Variants in LRRK1 observed in about 807,000 individuals in gnomAD.
LRRK1 encodes the protein leucine-rich repeat serine/threonine-protein kinase 1.
A neutral mutation model predicts 209.1 loss-of-function variants in LRRK1; 113 were observed. The observed-to-expected ratio is 0.54, with a 90% CI of 0.46 to 0.63. The LOEUF is 0.63. LRRK1 is among the 30% of genes least tolerant of loss of function. The pLI is 0.00. For missense variants in LRRK1, 2,284 were observed against 2,632.2 expected, an observed-to-expected ratio of 0.87 and a Z score of 2.89; for synonymous variants, 1,144 against 1,099.7, an observed-to-expected ratio of 1.04 and a Z score of -0.80.
intron 20 of LRRK1, among the ~76,000 whole-genome samples, chr15:101,039,342 C>G (rs2034635407): frequency 6.6e-6 from 1 of 152,102 alleles, no homozygotes; most frequent in Non-Finnish European, 1.5e-5. Context: ...AAATTTGTGT[C>G]TACATAATTT....
At chr15:100,924,050 C>G (rs1431094095) in intron 1 of LRRK1, among the ~76,000 whole-genome samples, 1 of 152,242 alleles carries the variant, frequency 6.6e-6, no homozygotes, top group Admixed American at 6.5e-5. Context: ...GTGCTCACCT[C>G]TGGCTTCCAG....
Position 101,054,229 on chromosome 15 carries a change from C to T in LRRK1, c.4055-717C>T, listed in dbSNP as rs562966375. ...GCTCAGTCGATCCCCCCACTTTAGC[C>T]TCCCAAAGTGCTGGAATCACCGGCA... On this transcript the variant is annotated intron_variant, in intron 26 of 33. Transcript: ENST00000388948. Among the ~76,000 whole-genome samples, 38 of 152,324 alleles carry T rather than the reference C, an allele frequency of 2.5e-4. No homozygotes were observed. The South Asian group carries it at 4.8e-3, about 19-fold the overall frequency.
intron 2 of LRRK1, among the ~76,000 whole-genome samples, chr15:100,972,936 A>ACACACACC (rs774930546): frequency 9.9e-5 from 15 of 151,252 alleles, no homozygotes; most frequent in East Asian, 7.8e-4. Context: ...ACACACACAC[A>ACACACACC]CCCAGTTTTG....
At chr15:101,051,451 C>A (rs76054095) in intron 23 of LRRK1, among the ~76,000 whole-genome samples, 14,789 of 152,248 alleles carry the variant, frequency 0.097, 1,301 homozygotes, top group East Asian at 0.45. Context: ...CCCCAGCCAG[C>A]CTGCTCAGTG....
Position 101,070,088 on chromosome 15 carries a change from A to G in LRRK1, c.*1240A>G, listed in dbSNP as rs1442800087. On this transcript the variant is annotated 3_prime_UTR_variant, in exon 34 of 34. Coordinates refer to ENST00000388948, the MANE Select transcript of LRRK1 (RefSeq NM_024652.6). ...GAGATGAGACTCTTTTAATCTCAAA[A>G]TAAACAGATTCTTTCAAGAACGAAG... is the stretch of plus-strand genomic sequence containing the variant. 3 of 152,332 alleles carry G rather than the reference A, an allele frequency of 2.0e-5. No individual in the cohort carries two copies. Among genetic ancestry groups the G allele is most frequent in the Admixed American group, 6.5e-5 (1 of 15,304 alleles). The allele number at this position is 152,332 out of a possible 1,614,324, so 9.4% of individuals were successfully genotyped here. A position where few individuals can be genotyped will look rare whatever the true frequency, so the allele number is the denominator to read the frequency against.
chr15:100,973,482 T>G (rs905690236), intron 2 of LRRK1, among the ~76,000 whole-genome samples: 2 of 151,828 alleles, frequency 1.3e-5, no homozygotes, highest in African/African-American at 4.8e-5. Context: ...CCCCTGCGCC[T>G]CCGCTGCTGT....
chr15:101,060,683 G>A (rs1035897992), intron 29 of LRRK1, among the ~76,000 whole-genome samples: 10 of 152,256 alleles, frequency 6.6e-5, no homozygotes, highest in Non-Finnish European at 1.3e-4. Context: ...GGGAGACAGC[G>A]ATGCCGGGGA....
Position 101,055,243 on chromosome 15 carries a change from G to A in LRRK1, c.4332+20G>A. ...GAGAAGGTACGTGCCTGGATCCCCT[G>A]GCCCAGCCCCACAGTGTAGGAGCCC... On this transcript the variant is annotated intron_variant, in intron 27 of 33. Transcript: ENST00000388948. 3.3e-6 allele frequency: 5 copies of A among 1,524,956 alleles called. No homozygotes were observed. The highest frequency in any genetic ancestry group is 4.4e-6 in the Non-Finnish European group (5 of 1,138,076). The allele number at this position is 1,524,956 out of a possible 1,614,324, so 94.5% of individuals were successfully genotyped here. A position where few individuals can be genotyped will look rare whatever the true frequency, so the allele number is the denominator to read the frequency against.
chr15:100,980,319 A>G (rs1329341222), intron 3 of LRRK1, among the ~76,000 whole-genome samples: 1 of 152,194 alleles, frequency 6.6e-6, no homozygotes, highest in Non-Finnish European at 1.5e-5. Flanking sequence ...TCAAAAGATC[A>G]TATTCTCTAT....
intron 2 of LRRK1, among the ~76,000 whole-genome samples, chr15:100,956,455 C>CTTTTCTTTTTT (rs2042760510): frequency 5.0e-5 from 3 of 60,522 alleles, no homozygotes; most frequent in African/African-American, 2.6e-4. Flanking sequence ...TTTTTTTTTT[C>CTTTTCTTTTTT]TTTTTTTTTT....
intron 3 of LRRK1, among the ~76,000 whole-genome samples, chr15:100,976,737 A>G (rs1309012381): frequency 6.6e-6 from 1 of 152,238 alleles, no homozygotes; most frequent in Non-Finnish European, 1.5e-5. Context: ...AAGGATGTTC[A>G]TTCAAGTTGT....
intron 26 of LRRK1, among the ~76,000 whole-genome samples, chr15:101,054,247 C>T (rs966885): frequency 0.99 from 150,638 of 152,322 alleles, 74,510 homozygotes; most frequent in South Asian, 1. Flanking sequence ...GTGCTGGAAT[C>T]ACCGGCATGA....
At chr15:101,059,954 C>T (rs1255298663) in intron 29 of LRRK1, among the ~76,000 whole-genome samples, 1 of 152,158 alleles carries the variant, frequency 6.6e-6, no homozygotes, top group Non-Finnish European at 1.5e-5. Flanking sequence ...GGAGGCTGGG[C>T]CGGGCCCTGC....
At chr15:101,034,141 G>T (rs528251140) in intron 20 of LRRK1, among the ~76,000 whole-genome samples, 1 of 152,154 alleles carries the variant, frequency 6.6e-6, no homozygotes, top group South Asian at 2.1e-4. Context: ...TGAATTTCTT[G>T]TAAATTGTGG....
rs920547170 is a variant in LRRK1 at position 101,041,173 on chromosome 15, C to T, written c.2964-4808C>T. ...CTTTATCACTGGTAATACTCCTTTT[C>T]TTGAAGTCTATTTTGTCTGATGTTA... On this transcript the variant is annotated intron_variant, in intron 20 of 33. Transcript: ENST00000388948. 2.6e-5 allele frequency among the ~76,000 whole-genome samples: 4 copies of T among 152,278 alleles called. No individual in the cohort carries two copies. The East Asian group carries it at 5.8e-4, about 22-fold the overall frequency.
chr15:100,966,762 A>G (rs2141643384), intron 2 of LRRK1, among the ~76,000 whole-genome samples: 1 of 152,348 alleles, frequency 6.6e-6, no homozygotes, highest in Non-Finnish European at 1.5e-5. Context: ...GATAAACACC[A>G]CAACATTTTT....
Position 100,983,633 on chromosome 15 carries a change from C to T in LRRK1, c.367C>T (p.Pro123Ser). The change falls in exon 4 of 34, where the codon CCA becomes TCA. Residue 123 changes from proline (P) to serine (S), a missense_variant. Physicochemically the swap from Pro to Ser is moderately conservative, Grantham distance 74. Transcript: ENST00000388948. The stretch of plus-strand genomic sequence containing the variant: ...GCCCACCGAGCCCACGGATGACAAC[C>T]CAGCCGTGGTGGCAGCGTATTTTGG... Reference protein sequence around the residue: ...ELPTEPTDDNPAVVAAYFGHT... With the variant: ...ELPTEPTDDNSAVVAAYFGHT... 6.2e-7 allele frequency: 1 copy of T among 1,608,284 alleles called. No homozygotes were observed. The highest frequency in any genetic ancestry group is 8.5e-7 in the Non-Finnish European group (1 of 1,175,628).
rs1264213802 is a variant in LRRK1, at chr15:101,070,524, AG to A, written c.*1677del. ...CAGATTCCATCTGCCCCAGGCCCCAAGCTTTTGCTTTGGCATCACGCGAGGC... is the reference window on the plus strand; with the variant it reads ...CAGATTCCATCTGCCCCAGGCCCCAACTTTTGCTTTGGCATCACGCGAGGC... On this transcript the variant is annotated 3_prime_UTR_variant, in exon 34 of 34. Coordinates refer to ENST00000388948, the MANE Select transcript of LRRK1 (RefSeq NM_024652.6). The A allele has an allele frequency of 1.4e-5, 2 of 148,028 alleles. No individual in the cohort carries two copies. The highest frequency in any genetic ancestry group is 6.6e-5 in the Admixed American group (1 of 15,104). The allele number at this position is 148,028 out of a possible 1,614,324, so 9.2% of individuals were successfully genotyped here.
intron 12 of LRRK1, among the ~76,000 whole-genome samples, chr15:101,017,904 T>A (rs2033615950): frequency 6.6e-6 from 1 of 151,940 alleles, no homozygotes; most frequent in Non-Finnish European, 1.5e-5. Flanking sequence ...CAATCAGGTT[T>A]AAGTATAAAA....
Sources: gnomAD v4.1 joint callset for allele counts (sites outside exome capture counted in the v4.1 genomes callset) on GRCh38, gnomAD v4.1.1 for gene constraint, MANE v1.5 for transcripts, NCBI Gene and HGNC (gene_info 2026-07-23, HGNC 2026-07-21) for gene names.